Variants in ZDHHC14 observed in about 807,000 individuals in gnomAD.
ZDHHC14 encodes palmitoyltransferase ZDHHC14.
ZDHHC14 carries 16 observed loss-of-function variants against 47.7 expected under a neutral mutation model. The observed-to-expected ratio is 0.34, with a 90% confidence interval of 0.23 to 0.51. ZDHHC14 has a LOEUF of 0.51. Among genes scored for constraint, ZDHHC14 ranks in the 20% least tolerant of loss-of-function variants. The pLI is 0.97. For missense variants in ZDHHC14, 515 were observed against 662.5 expected (o/e 0.78, Z 2.44); for synonymous variants, 293 against 278.9 (o/e 1.05, Z -0.50).
intron 1 of ZDHHC14, among the ~76,000 whole-genome samples, chr6:157,518,663 T>C (rs1331072342): frequency 6.8e-6 from 1 of 146,774 alleles, no homozygotes; most frequent in Non-Finnish European, 1.5e-5. Flanking sequence ...ACCCTAGTTG[T>C]GAAACGGTGC....
intron 1 of ZDHHC14, among the ~76,000 whole-genome samples, chr6:157,510,322 ACTC>A (rs1326458938): frequency 2.6e-5 from 4 of 151,656 alleles, no homozygotes; most frequent in African/African-American, 9.7e-5. Flanking sequence ...CCCCATTTTC[ACTC>A]CTCCTCACAA....
At chr6:157,498,722 C>A (rs1256190392) in intron 1 of ZDHHC14, among the ~76,000 whole-genome samples, 1 of 152,286 alleles carries the variant, frequency 6.6e-6, no homozygotes, top group East Asian at 1.9e-4. Context: ...TGTCTCTTGT[C>A]CTGCTTTATT....
chr6:157,613,339 T>A (rs1784827731), intron 3 of ZDHHC14, among the ~76,000 whole-genome samples: 3 of 152,244 alleles, frequency 2.0e-5, no homozygotes, highest in Admixed American at 2.0e-4. Context: ...GATGCCTTGA[T>A]ACTTTCTATT....
At chr6:157,417,970 A>T (rs1778017350) in intron 1 of ZDHHC14, among the ~76,000 whole-genome samples, 1 of 151,130 alleles carries the variant, frequency 6.6e-6, no homozygotes, top group African/African-American at 2.4e-5. Flanking sequence ...AAAAAAAAAA[A>T]GACGAAGAAG....
chr6:157,643,015 C>T (rs897636691), intron 5 of ZDHHC14, among the ~76,000 whole-genome samples: 5 of 152,332 alleles, frequency 3.3e-5, no homozygotes, highest in Admixed American at 1.3e-4. Context: ...AGCAGACTTC[C>T]GGCATTCAAG....
intron 2 of ZDHHC14, 138 bp from the exon 3 acceptor site, chr6:157,592,850 C>G (rs533362599): frequency 2.7e-6 from 4 of 1,476,986 alleles, no homozygotes; most frequent in South Asian, 1.4e-5. Flanking sequence ...GAGCCCCAGC[C>G]TGGGTAAACC....
intron 2 of ZDHHC14, among the ~76,000 whole-genome samples, chr6:157,551,255 A>G (rs2114822228): frequency 6.6e-6 from 1 of 152,196 alleles, no homozygotes; most frequent in Non-Finnish European, 1.5e-5. Flanking sequence ...CAGGGCTCTG[A>G]GTCATGGGAC....
intron 1 of ZDHHC14, among the ~76,000 whole-genome samples, chr6:157,539,108 G>A (rs1343123751): frequency 6.6e-6 from 1 of 152,104 alleles, no homozygotes; most frequent in African/African-American, 2.4e-5. Context: ...ATGGTAGGCA[G>A]GTATGAGGTC....
intron 1 of ZDHHC14, among the ~76,000 whole-genome samples, chr6:157,423,453 C>G (rs1002035704): frequency 6.6e-6 from 1 of 152,000 alleles, no homozygotes; most frequent in African/African-American, 2.4e-5. Context: ...CCTAGGGAAG[C>G]AGATGAAAGT....
At chr6:157,624,657 C>T (rs1277190649) in intron 3 of ZDHHC14, among the ~76,000 whole-genome samples, 2 of 152,178 alleles carry the variant, frequency 1.3e-5, no homozygotes, top group Non-Finnish European at 2.9e-5. Context: ...TAGAGCTGGG[C>T]CCCCATCCCA....
chr6:157,571,451 C>G (rs578014825), intron 2 of ZDHHC14, among the ~76,000 whole-genome samples: 1 of 152,304 alleles, frequency 6.6e-6, no homozygotes, highest in South Asian at 2.1e-4. Flanking sequence ...ACTCACGATG[C>G]TATAAATAAC....
chr6:157,656,684 G>A (rs1199407121), intron 8 of ZDHHC14, among the ~76,000 whole-genome samples: 2 of 146,298 alleles, frequency 1.4e-5, no homozygotes, highest in South Asian at 2.2e-4. Context: ...CTTGAGCACT[G>A]TGTCAGGAAG....
chr6:157,469,896 C>T (rs1291175192), intron 1 of ZDHHC14, among the ~76,000 whole-genome samples: 2 of 152,230 alleles, frequency 1.3e-5, no homozygotes, highest in Non-Finnish European at 2.9e-5. Context: ...CCCTCTGTCA[C>T]TTCTTCCCTC....
At chr6:157,643,490 A>G (rs537331838) in intron 5 of ZDHHC14, among the ~76,000 whole-genome samples, 4 of 151,448 alleles carry the variant, frequency 2.6e-5, no homozygotes, top group Non-Finnish European at 5.9e-5. Context: ...TCTACTAAAA[A>G]TACAAAACTT....
intron 4 of ZDHHC14, chr6:157,630,813 T>G (rs1219051346): frequency 7.7e-6 from 1 of 130,204 alleles, no homozygotes; most frequent in African/African-American, 2.8e-5. Flanking sequence ...ACACATACCC[T>G]TGGACACCCA....
chr6:157,588,660 T>C (rs1330678019), intron 2 of ZDHHC14, among the ~76,000 whole-genome samples: 2 of 152,152 alleles, frequency 1.3e-5, no homozygotes, highest in Non-Finnish European at 2.9e-5. Context: ...TGGGTGTGGG[T>C]GTGTTCTGTG....
At chr6:157,509,433 A>T (rs1251891547) in intron 1 of ZDHHC14, among the ~76,000 whole-genome samples, 1 of 152,144 alleles carries the variant, frequency 6.6e-6, no homozygotes, top group Non-Finnish European at 1.5e-5. Flanking sequence ...AGTGAACCTA[A>T]CTTTTTTAAT....
At chr6:157,453,788 T>TTTTTTGTGTGTG (rs3220439) in intron 1 of ZDHHC14, among the ~76,000 whole-genome samples, 1 of 148,098 alleles carries the variant, frequency 6.8e-6, no homozygotes, top group African/African-American at 2.5e-5. Flanking sequence ...TTTTTGTGTT[T>TTTTTTGTGTGTG]TGTGTGTGTG....
chr6:157,669,787 G>C (rs1583104158), intron 8 of ZDHHC14, among the ~76,000 whole-genome samples: 1 of 152,186 alleles, frequency 6.6e-6, no homozygotes, highest in Non-Finnish European at 1.5e-5. Context: ...TGGCTTGCCA[G>C]CTGAGCTCTC....
Sources: allele counts gnomAD v4.1 joint callset (sites outside exome capture counted in the v4.1 genomes callset), GRCh38; gene constraint gnomAD v4.1.1; transcripts MANE v1.5; gene names NCBI Gene and HGNC (gene_info 2026-07-23, HGNC 2026-07-21).